Variants in MAGI3 observed in about 807,000 individuals in gnomAD.
MAGI3 encodes membrane associated guanylate kinase, WW and PDZ domain containing 3.
In MAGI3, 43 loss-of-function variants were observed where a neutral mutation model predicts 121.8. The observed-to-expected ratio is 0.35, with a 90% CI of 0.28 to 0.46. The LOEUF (loss-of-function observed/expected upper bound fraction) is 0.46, where lower values mean the gene tolerates loss of function less well. Ranked by LOEUF, MAGI3 falls within the 20% of genes least tolerant of loss-of-function variation. The pLI, the probability that MAGI3 is intolerant of heterozygous loss-of-function variation, is 1.00. For missense variants in MAGI3, 1,547 were observed against 1,797.3 expected (o/e 0.86, Z 2.52); for synonymous variants, 553 against 639.3 (o/e 0.86, Z 2.04).
chr1:113,411,033 G>A (rs1194293426), intron 1 of MAGI3, among the ~76,000 whole-genome samples: 1 of 152,070 alleles, frequency 6.6e-6, no homozygotes, highest in Non-Finnish European at 1.5e-5. Flanking sequence ...AAGTAATCTT[G>A]GCTATAGAAC....
At position 113,594,640 on chromosome 1, in the gene MAGI3, C is replaced by G. The variant is rs1648886878; in HGVS notation, c.1018+80C>G. On this transcript the variant is annotated intron_variant, in intron 6 of 20. Coordinates refer to ENST00000307546, the MANE Select transcript of MAGI3 (RefSeq NM_001142782.2). ...CTTCTTGCTCAGATAATGGGTTTTT[C>G]AAAACCCTAAACAAACCATAATGTA... 8 of 1,225,008 alleles carry G rather than the reference C, an allele frequency of 6.5e-6. No individual in the cohort carries two copies. In the Admixed American group the frequency reaches 6.6e-5, roughly 10 times the overall value. 75.9% of individuals were successfully genotyped at this position (1,225,008 alleles called of 1,614,324 possible). A position where few individuals can be genotyped will look rare whatever the true frequency, so the allele number is the denominator to read the frequency against.
At chr1:113,580,712 G>A in intron 3 of MAGI3, 51 bp downstream of exon 3, 1 of 1,483,868 alleles carries the variant, frequency 6.7e-7, no homozygotes, top group South Asian at 1.5e-5. Flanking sequence ...CTGAACGACT[G>A]GAATTATTTC....
Position 113,643,850 on chromosome 1 carries a change from C to T in MAGI3, c.1998+76C>T. 8.7e-6 allele frequency: 12 copies of T among 1,378,260 alleles called. No homozygotes were observed. The South Asian group carries it at 1.2e-4, about 14-fold the overall frequency. The allele number at this position is 1,378,260 out of a possible 1,614,324, so 85.4% of individuals were successfully genotyped here. A position where few individuals can be genotyped will look rare whatever the true frequency, so the allele number is the denominator to read the frequency against. On this transcript the variant is annotated intron_variant, in intron 11 of 20. Coordinates refer to ENST00000307546, the MANE Select transcript of MAGI3 (RefSeq NM_001142782.2). ...GCCACATTCCCCTCTGTAAGAGGAG[C>T]TCACTGTGGTGATGATTATCGACTG...
intron 1 of MAGI3, among the ~76,000 whole-genome samples, chr1:113,479,059 G>A (rs991659840): frequency 1.7e-4 from 26 of 152,236 alleles, no homozygotes; most frequent in Admixed American, 1.4e-3. Context: ...GCCAAGCCAG[G>A]CATGGGAGAG....
At chr1:113,656,483 G>A (rs772558148) in intron 15 of MAGI3, among the ~76,000 whole-genome samples, 2 of 150,378 alleles carry the variant, frequency 1.3e-5, no homozygotes, top group African/African-American at 2.5e-5. Flanking sequence ...GTGTGATCTC[G>A]GTTCACTGCA....
chr1:113,584,967 CTT>C (rs58296325), intron 3 of MAGI3, among the ~76,000 whole-genome samples: 1 of 135,724 alleles, frequency 7.4e-6, no homozygotes. Flanking sequence ...TAGATATTTC[CTT>C]TTTTTTTTTT....
At chr1:113,567,905 A>G (rs1660498579) in intron 2 of MAGI3, among the ~76,000 whole-genome samples, 1 of 152,092 alleles carries the variant, frequency 6.6e-6, no homozygotes, top group African/African-American at 2.4e-5. Flanking sequence ...CAACTTAGAA[A>G]AGACTTAAAA....
chr1:113,630,841 T>G (rs879357468), intron 9 of MAGI3, among the ~76,000 whole-genome samples: 5 of 152,098 alleles, frequency 3.3e-5, no homozygotes, highest in Admixed American at 3.3e-4. Flanking sequence ...CCCTGGCTGG[T>G]GTCTCGTAGG....
intron 1 of MAGI3, among the ~76,000 whole-genome samples, chr1:113,545,207 T>C (rs1233363217): frequency 6.6e-6 from 1 of 152,166 alleles, no homozygotes; most frequent in African/African-American, 2.4e-5. Flanking sequence ...TTCCCTACTT[T>C]AAACTGTGGT....
chr1:113,669,370 C>T (rs1008640347), intron 16 of MAGI3, among the ~76,000 whole-genome samples: 4 of 152,136 alleles, frequency 2.6e-5, no homozygotes, highest in African/African-American at 9.7e-5. Context: ...AGCTCTGACA[C>T]AATGTGGGAA....
At chr1:113,615,586 C>T (rs1053348043) in intron 7 of MAGI3, among the ~76,000 whole-genome samples, 2 of 152,148 alleles carry the variant, frequency 1.3e-5, no homozygotes, top group African/African-American at 4.8e-5. Flanking sequence ...ACTCCTGTTG[C>T]AACTGTAGTC....
At chr1:113,598,227 C>CA (rs1395935673) in intron 6 of MAGI3, among the ~76,000 whole-genome samples, 7 of 151,174 alleles carry the variant, frequency 4.6e-5, no homozygotes, top group Non-Finnish European at 8.9e-5. Context: ...CCCCCACCCC[C>CA]CCTCCAAAAA....
At position 113,685,333 on chromosome 1, in the gene MAGI3, A is replaced by C. The variant is rs1284655563; in HGVS notation, c.*1319A>C. 1.3e-5 allele frequency: 2 copies of C among 152,398 alleles called. No homozygotes were observed. The highest frequency in any genetic ancestry group is 4.8e-5 in the African/African-American group (2 of 41,470). The allele number at this position is 152,398 out of a possible 1,614,324, so 9.4% of individuals were successfully genotyped here. On this transcript the variant is annotated 3_prime_UTR_variant, in exon 21 of 21. Transcript: ENST00000307546. ...GCAGCATTCAGTAGCATCTATATAA[A>C]TAAAGGCACCTTCTGAGAATAAAAC...
intron 1 of MAGI3, among the ~76,000 whole-genome samples, chr1:113,414,990 T>C (rs997635361): frequency 6.6e-6 from 1 of 152,114 alleles, no homozygotes; most frequent in African/African-American, 2.4e-5. Context: ...ATAATTTTCC[T>C]AATGAGATGA....
At chr1:113,654,073 C>T (rs1653337943) in intron 15 of MAGI3, 55 bp downstream of exon 15, 1 of 1,393,344 alleles carries the variant, frequency 7.2e-7, no homozygotes, top group Non-Finnish European at 9.8e-7. Flanking sequence ...TTCTGAGGCT[C>T]CCACTGGAGT....
intron 6 of MAGI3, among the ~76,000 whole-genome samples, chr1:113,602,330 A>G (rs1308374300): frequency 3.3e-5 from 5 of 152,174 alleles, no homozygotes; most frequent in Non-Finnish European, 7.4e-5. Flanking sequence ...AACTATACAA[A>G]TGCATGGAAA....
rs770576575 is a variant in MAGI3, at chr1:113,614,638, G to T, written c.1056G>T (p.Gln352His). Reference protein sequence around the residue: ...PYGWEKIEDPQYGTYYVDHLN... With the variant: ...PYGWEKIEDPHYGTYYVDHLN... ...GCTGGGAGAAAATAGAGGACCCTCA[G>T]TATGGGACATACTATGTTGAGTAAG... The change falls in exon 7 of 21, where the codon CAG (glutamine) becomes CAT (histidine). Residue 352 changes from glutamine to histidine, a missense_variant. Gln to His is a conservative substitution (Grantham distance 24). Transcript: ENST00000307546. The T allele has an allele frequency of 1.9e-6, 3 of 1,607,876 alleles. No individual in the cohort carries two copies. The highest frequency in any genetic ancestry group is 2.5e-6 in the Non-Finnish European group (3 of 1,176,890).
At position 113,482,252 on chromosome 1, in the gene MAGI3, G is replaced by A. The variant is rs913138846; in HGVS notation, c.317-67263G>A. On this transcript the variant is annotated intron_variant, in intron 1 of 20. Transcript: ENST00000307546. ...GGCTGTTATGATGTTGAACTTTTGA[G>A]GGTCTTAGTTTCCCTTTTATACACA... Among the ~76,000 whole-genome samples the A allele has an allele frequency of 2.2e-4, 33 of 152,158 alleles. No individual in the cohort carries two copies. The Middle Eastern group carries it at 0.014, about 63-fold the overall frequency.
At chr1:113,416,080 C>T (rs1484890517) in intron 1 of MAGI3, among the ~76,000 whole-genome samples, 4 of 146,964 alleles carry the variant, frequency 2.7e-5, no homozygotes, top group Non-Finnish European at 6.0e-5. Flanking sequence ...TAATTAATGA[C>T]ACATATTAAT....
Sources: gnomAD v4.1 joint callset for allele counts (sites outside exome capture counted in the v4.1 genomes callset) on GRCh38, gnomAD v4.1.1 for gene constraint, MANE v1.5 for transcripts, NCBI Gene and HGNC (gene_info 2026-07-23, HGNC 2026-07-21) for gene names.